The following ABLIM2 variants were observed in gnomAD, a reference collection of about 807,000 sequenced individuals.
ABLIM2 encodes the protein actin binding LIM protein family member 2.
Under a neutral mutation model 97.7 loss-of-function variants are expected in ABLIM2, and 53 were observed. That is an observed-to-expected ratio of 0.54 (90% CI 0.44 to 0.68). The LOEUF (loss-of-function observed/expected upper bound fraction) is 0.68, where lower values mean the gene tolerates loss of function less well. Ranked by LOEUF, ABLIM2 falls within the 30% of genes least tolerant of loss-of-function variation. ABLIM2 has a pLI of 0.00. For synonymous variants in ABLIM2, 361 were observed against 345.8 expected, an observed-to-expected ratio of 1.04 and a Z score of -0.49; for missense variants, 835 against 867.2, an observed-to-expected ratio of 0.96 and a Z score of 0.47.
chr4:8,114,782 C>G (rs1052772491), intron 1 of ABLIM2, among the ~76,000 whole-genome samples: 1 of 114,858 alleles, frequency 8.7e-6, no homozygotes, highest in Non-Finnish European at 1.9e-5. Context: ...AGCACCGGGC[C>G]GATGTTGGGC....
rs1755526984 is a variant in ABLIM2 at position 7,999,340 on chromosome 4, G to A, written c.1619-6413C>T. ...CCAAAAATGCTGAGATTACAGGCGT[G>A]AGCCACTGCGCCCGGCCAAGAATCA... On this transcript the variant is annotated intron_variant, in intron 16 of 20. Transcript: ENST00000447017. The surrounding 1 kb of genome is among the most constrained non-coding windows in gnomAD (Gnocchi z 4.4). Among the ~76,000 whole-genome samples the A allele has an allele frequency of 6.6e-6, 1 of 152,200 alleles. No individual in the cohort carries two copies. The highest frequency in any genetic ancestry group is 2.1e-4 in the South Asian group (1 of 4,830).
At chr4:8,006,800 A>T (rs1235897813) in intron 16 of ABLIM2, among the ~76,000 whole-genome samples, 3 of 152,142 alleles carry the variant, frequency 2.0e-5, no homozygotes, top group African/African-American at 4.8e-5. Flanking sequence ...CCCTGCCTGC[A>T]GATGAGGTGG....
chr4:8,092,671 C>T (rs1829464952), intron 3 of ABLIM2, among the ~76,000 whole-genome samples: 1 of 152,064 alleles, frequency 6.6e-6, no homozygotes, highest in Admixed American at 6.5e-5. Context: ...CTCTTTCCCC[C>T]TTAAACACTG....
Position 8,125,911 on chromosome 4 carries a change from G to A in ABLIM2, c.11-19274C>T, listed in dbSNP as rs1847673921. On this transcript the variant is annotated intron_variant, in intron 1 of 20. Transcript: ENST00000447017. This position sits in a 1 kb window ranked among gnomAD's most constrained non-coding sequence, Gnocchi z 6.2. ...CGTGGGCAGCCTTGGGGGACCCGCC[G>A]CTTTTGGGAACACACCTGCATGTCT... Among the ~76,000 whole-genome samples, 1 of 152,286 alleles carries A rather than the reference G, an allele frequency of 6.6e-6. No individual in the cohort carries two copies. The highest frequency in any genetic ancestry group is 6.5e-5 in the Admixed American group (1 of 15,302).
chr4:8,142,029 G>A (rs1180590088), intron 1 of ABLIM2, among the ~76,000 whole-genome samples: 3 of 152,208 alleles, frequency 2.0e-5, no homozygotes, highest in Non-Finnish European at 2.9e-5. Context: ...GCGGGGCGCC[G>A]TGACCAGCCC....
intron 8 of ABLIM2, among the ~76,000 whole-genome samples, chr4:8,049,459 T>G (rs1246895658): frequency 6.6e-6 from 1 of 152,186 alleles, no homozygotes; most frequent in Non-Finnish European, 1.5e-5. Flanking sequence ...GGCCAGGGCA[T>G]GCCAAAGTTA....
chr4:8,141,569 A>ATGGAGTATC (rs1172289759), intron 1 of ABLIM2, among the ~76,000 whole-genome samples: 1 of 152,216 alleles, frequency 6.6e-6, no homozygotes, highest in African/African-American at 2.4e-5. Context: ...TTTTGTAGAG[A>ATGGAGTATC]TGGAGTATCG....
intron 1 of ABLIM2, among the ~76,000 whole-genome samples, chr4:8,107,661 G>C (rs894883659): frequency 3.3e-5 from 5 of 152,330 alleles, no homozygotes; most frequent in African/African-American, 1.2e-4. Context: ...GTGGGCAGGA[G>C]GTTCTGTAGC....
chr4:7,985,362 T>C (rs780126205), intron 17 of ABLIM2, among the ~76,000 whole-genome samples: 4 of 152,152 alleles, frequency 2.6e-5, no homozygotes, highest in Admixed American at 6.5e-5. Flanking sequence ...GAACCTGCTG[T>C]CCCAGGTGCT....
In ABLIM2 at chr4:8,137,231, A is replaced by AC. The variant is rs1018534318; in HGVS notation, c.10+21448dup. On this transcript the variant is annotated intron_variant, in intron 1 of 20. Transcript: ENST00000447017. ...CCCTTAGTCCCCAGCAGGCGCTAGG[A>AC]CCCCCCCACTCTGCTTTAGGGGCTC... Among the ~76,000 whole-genome samples, 114 of 151,540 alleles carry AC rather than the reference A, an allele frequency of 7.5e-4. 2 individuals are homozygous for AC. The highest frequency in any genetic ancestry group is 7.1e-3 in the Admixed American group (108 of 15,236).
In ABLIM2 at chr4:8,071,336, G is replaced by A. The variant is rs913381059; in HGVS notation, c.675+6292C>T. On this transcript the variant is annotated intron_variant, in intron 6 of 20. Coordinates refer to ENST00000447017, the MANE Select transcript of ABLIM2 (RefSeq NM_001130083.2). This position sits in a 1 kb window ranked among gnomAD's most constrained non-coding sequence, Gnocchi z 6.2. ...CCCCACAGGACCCCAGCAAGGAGCC[G>A]GCTCATCAGGACAGACACCCAGAGA... is the stretch of plus-strand genomic sequence containing the variant. 7.2e-5 allele frequency among the ~76,000 whole-genome samples: 11 copies of A among 152,146 alleles called. No homozygotes were observed. The highest frequency in any genetic ancestry group is 4.1e-4 in the South Asian group (2 of 4,828).
chr4:8,042,856 A>AG (rs1489447754), intron 9 of ABLIM2, among the ~76,000 whole-genome samples: 1 of 150,448 alleles, frequency 6.6e-6, no homozygotes, highest in Non-Finnish European at 1.5e-5. Flanking sequence ...AAAAAAAAAA[A>AG]AAGAACAGTG....
chr4:8,007,042 A>T, intron 16 of ABLIM2: 1 of 985,352 alleles, frequency 1.0e-6, no homozygotes, highest in Non-Finnish European at 1.2e-6. Context: ...GTTTAAAGTG[A>T]TTCTTTAACA....
chr4:8,071,695 C>T lies in ABLIM2; in HGVS notation c.675+5933G>A, dbSNP rs1812256140. 1.1e-5 allele frequency: 8 copies of T among 748,114 alleles called. 1 individual carries two copies. In the South Asian group the frequency reaches 3.6e-4, roughly 34 times the overall value. 46.3% of individuals were successfully genotyped at this position (748,114 alleles called of 1,614,324 possible). ...ACCTGACTGCTCTGTCCCCAAAAAC[C>T]CACCCACCCGCAGCCCCTCCTGGCC... On this transcript the variant is annotated intron_variant, in intron 6 of 20. Coordinates refer to ENST00000447017, the MANE Select transcript of ABLIM2 (RefSeq NM_001130083.2). The surrounding 1 kb of genome is among the most constrained non-coding windows in gnomAD (Gnocchi z 6.2).
chr4:8,098,521 A>G (rs4303964), intron 2 of ABLIM2, among the ~76,000 whole-genome samples: 28,421 of 152,188 alleles, frequency 0.19, 5,581 homozygotes, highest in African/African-American at 0.48. Context: ...ACTGGCTGGA[A>G]GCACCAGAGT....
intron 1 of ABLIM2, among the ~76,000 whole-genome samples, chr4:8,115,217 G>A (rs1315639505): frequency 1.3e-5 from 2 of 152,126 alleles, no homozygotes; most frequent in Non-Finnish European, 1.5e-5. Flanking sequence ...CCCAAACTAC[G>A]ACCTCCTGGG....
chr4:8,157,058 C>T (rs562095797), intron 1 of ABLIM2, among the ~76,000 whole-genome samples: 1 of 152,264 alleles, frequency 6.6e-6, no homozygotes, highest in Admixed American at 6.5e-5. Flanking sequence ...TGTACCTTGT[C>T]CCCTCCAGGC....
intron 14 of ABLIM2, among the ~76,000 whole-genome samples, chr4:8,014,834 C>G (rs1767676419): frequency 2.0e-5 from 3 of 152,202 alleles, no homozygotes; most frequent in Admixed American, 2.0e-4. Context: ...AGTGGGCCTG[C>G]AGTCTCGGCC....
chr4:7,994,782 A>ATTCT (rs1752062796), intron 16 of ABLIM2, among the ~76,000 whole-genome samples: 1 of 116,604 alleles, frequency 8.6e-6, no homozygotes, highest in Non-Finnish European at 2.1e-5. Flanking sequence ...CTTCATGTCC[A>ATTCT]AAACACCAAA....
Sources: gnomAD v4.1 joint callset for allele counts (sites outside exome capture counted in the v4.1 genomes callset) on GRCh38, gnomAD v4.1.1 for gene constraint, Gnocchi (gnomAD v3.1) non-coding constraint, MANE v1.5 for transcripts, NCBI Gene and HGNC (gene_info 2026-07-23, HGNC 2026-07-21) for gene names.